RHOF: variants seen among roughly 807,000 people sequenced by gnomAD.
The protein encoded by RHOF is rho-related GTP-binding protein RhoF.
In RHOF, 21 loss-of-function variants were observed where a neutral mutation model predicts 22.2. That is an observed-to-expected ratio of 0.95 (90% CI 0.67 to 1.36). The LOEUF (loss-of-function observed/expected upper bound fraction) is 1.36. RHOF is among the 40% of genes most tolerant of loss of function. RHOF has a pLI of 0.00. For synonymous variants in RHOF, 135 were observed against 131.2 expected (o/e 1.03, Z -0.20); for missense variants, 285 against 293.7 (o/e 0.97, Z 0.22).
At chr12:121,780,488 A>G in intron 4 of RHOF, 1 of 358,520 alleles carries the variant, frequency 2.8e-6, no homozygotes, top group Non-Finnish European at 5.1e-6. Context: ...GGGGACGCCT[A>G]CTTTCAAACA....
chr12:121,789,091 G>A (rs974523232), intron 2 of RHOF, among the ~76,000 whole-genome samples: 2 of 152,156 alleles, frequency 1.3e-5, no homozygotes, highest in Non-Finnish European at 2.9e-5. Context: ...TAGACCAGGC[G>A]TGGTGGCTCA....
chr12:121,791,812 G>A (rs943252403), intron 2 of RHOF, among the ~76,000 whole-genome samples: 4 of 152,360 alleles, frequency 2.6e-5, no homozygotes, highest in South Asian at 2.1e-4. Flanking sequence ...CTCTTGCAGG[G>A]CAGTGGGTTG....
intron 2 of RHOF, among the ~76,000 whole-genome samples, chr12:121,792,209 C>T (rs529156033): frequency 2.0e-5 from 3 of 152,238 alleles, no homozygotes; most frequent in Non-Finnish European, 4.4e-5. Flanking sequence ...CTGACCTCAC[C>T]TCACACACAC....
chr12:121,789,415 G>T (rs536282658), intron 2 of RHOF, among the ~76,000 whole-genome samples: 1 of 152,204 alleles, frequency 6.6e-6, no homozygotes, highest in African/African-American at 2.4e-5. Context: ...TTTTCTTGGT[G>T]GGATGAGGCT....
At chr12:121,792,075 G>A (rs1394459260) in intron 2 of RHOF, among the ~76,000 whole-genome samples, 3 of 152,236 alleles carry the variant, frequency 2.0e-5, no homozygotes, top group Admixed American at 6.5e-5. Context: ...CAGAGGCCAC[G>A]ATAGGACCTG....
At chr12:121,781,214 G>C in intron 2 of RHOF, 22 bp from the exon 3 acceptor site, 2 of 1,606,424 alleles carry the variant, frequency 1.2e-6, no homozygotes, top group Non-Finnish European at 1.7e-6. Flanking sequence ...GAGCAGCGGG[G>C]GTCAGGGGAC....
rs557391616 is a variant in RHOF, at chr12:121,780,473, G to A, written c.471+399C>T. 1.8e-5 allele frequency: 6 copies of A among 331,450 alleles called. No homozygotes were observed. The South Asian group carries it at 2.8e-4, about 16-fold the overall frequency. 20.5% of individuals were successfully genotyped at this position (331,450 alleles called of 1,614,324 possible). A position where few individuals can be genotyped will look rare whatever the true frequency, so the allele number is the denominator to read the frequency against. ...AAAGAGTTGCACGGTCAATTGGCCC[G>A]TGAAGGGGACGCCTACTTTCAAACA... On this transcript the variant is annotated intron_variant, in intron 4 of 4. Transcript: ENST00000267205.
At position 121,781,066 on chromosome 12, in the gene RHOF, C is replaced by T. The variant is rs1874436649; in HGVS notation, c.336+17G>A. On this transcript the variant is annotated intron_variant, in intron 3 of 4. Coordinates refer to ENST00000267205, the MANE Select transcript of RHOF (RefSeq NM_019034.3). ...CGGGCCCAGATGTGGGGCCACCACC[C>T]AGGAGGCCGGCCTCACCTTGATGAG... 1.9e-6 allele frequency: 3 copies of T among 1,613,994 alleles called. No homozygotes were observed. The highest frequency in any genetic ancestry group is 2.5e-6 in the Non-Finnish European group (3 of 1,179,900).
intron 2 of RHOF, among the ~76,000 whole-genome samples, chr12:121,787,024 C>T (rs891611412): frequency 5.3e-5 from 8 of 152,034 alleles, no homozygotes; most frequent in Admixed American, 2.0e-4. Flanking sequence ...AGGAACACAG[C>T]GAGACTCTGT....
chr12:121,787,890 C>CAAAAA (rs35018748), intron 2 of RHOF, among the ~76,000 whole-genome samples: 1 of 54,452 alleles, frequency 1.8e-5, no homozygotes. Flanking sequence ...GACTCTGCCT[C>CAAAAA]AAAAAAAAAA....
chr12:121,793,115 C>G, intron 2 of RHOF, 37 bp downstream of exon 2: 1 of 1,522,690 alleles, frequency 6.6e-7, no homozygotes, highest in Non-Finnish European at 8.9e-7. Flanking sequence ...TTCGGGCGGG[C>G]GGACCCTCGG....
intron 2 of RHOF, among the ~76,000 whole-genome samples, chr12:121,783,642 C>G (rs1874534090): frequency 6.6e-6 from 1 of 152,132 alleles, no homozygotes; most frequent in Admixed American, 6.5e-5. Context: ...ACCACCACAC[C>G]CAGCTAATTT....
chr12:121,786,518 T>C (rs1874614226), intron 2 of RHOF, among the ~76,000 whole-genome samples: 1 of 152,174 alleles, frequency 6.6e-6, no homozygotes, highest in Non-Finnish European at 1.5e-5. Context: ...CTGGAGGCAG[T>C]CACACCCTGC....
At chr12:121,781,931 C>T (rs544653640) in intron 2 of RHOF, 3 of 152,354 alleles carry the variant, frequency 2.0e-5, no homozygotes, top group Admixed American at 6.5e-5. Context: ...CGCCCCGAGA[C>T]GAGCTGAATC....
At position 121,780,971 on chromosome 12, in the gene RHOF, G is replaced by A; in HGVS notation, c.372C>T (p.Ile124=). Residue 124 remains isoleucine, a synonymous_variant, in exon 4 of 5, where the codon ATC becomes ATT. Transcript: ENST00000267205. ...TCTTGCAGCCGATGAGCACCATGGGGATCCCGCGGCAGAAATGCGTGACCT... is the reference window on the plus strand; with the variant it reads ...TCTTGCAGCCGATGAGCACCATGGGAATCCCGCGGCAGAAATGCGTGACCT... The part of the protein sequence containing the change: ...FPEVTHFCRG[I]PMVLIGCKTD... 6.2e-7 allele frequency: 1 copy of A among 1,614,062 alleles called. No homozygotes were observed. The highest frequency in any genetic ancestry group is 1.1e-5 in the South Asian group (1 of 91,078).
At chr12:121,783,683 T>C (rs1301297450) in intron 2 of RHOF, among the ~76,000 whole-genome samples, 2 of 152,186 alleles carry the variant, frequency 1.3e-5, no homozygotes, top group Admixed American at 1.3e-4. Context: ...GGTTTCTCCA[T>C]GTTGGTCAGG....
At chr12:121,781,911 C>G (rs951692101) in intron 2 of RHOF, 1 of 152,240 alleles carries the variant, frequency 6.6e-6, no homozygotes, top group Non-Finnish European at 1.5e-5. Context: ...GAGGCCGTGA[C>G]GCCTGGCTCC....
intron 2 of RHOF, among the ~76,000 whole-genome samples, chr12:121,791,923 C>T (rs578074590): frequency 6.6e-6 from 1 of 152,348 alleles, no homozygotes; most frequent in South Asian, 2.1e-4. Context: ...AAAGGTGTCC[C>T]AGACCATGAC....
intron 2 of RHOF, among the ~76,000 whole-genome samples, chr12:121,789,508 G>A (rs1011250772): frequency 2.6e-5 from 4 of 152,212 alleles, no homozygotes; most frequent in African/African-American, 7.2e-5. Flanking sequence ...AAATCTGCAG[G>A]AGGACACACA....
Sources: allele counts gnomAD v4.1 joint callset (sites outside exome capture counted in the v4.1 genomes callset), GRCh38; gene constraint gnomAD v4.1.1; transcripts MANE v1.5; gene names NCBI Gene and HGNC (gene_info 2026-07-23, HGNC 2026-07-21).